The following SLC22A9 variants were observed in gnomAD, a reference collection of about 807,000 sequenced individuals.
The protein encoded by SLC22A9 is organic anion transporter 7.
SLC22A9 carries 64 observed loss-of-function variants against 50.1 expected under a neutral mutation model. The ratio of observed to expected loss-of-function variants is 1.28; its 90% CI spans 1.04 to 1.57. SLC22A9 has a LOEUF of 1.57. SLC22A9 is among the 40% of genes most tolerant of loss of function. The pLI is 0.00. For missense variants in SLC22A9, 757 were observed against 676.1 expected (o/e 1.12, Z -1.33); for synonymous variants, 261 against 242.5 (o/e 1.08, Z -0.71).
At chr11:63,371,345 C>T (rs1354123433) in intron 2 of SLC22A9, 107 bp downstream of exon 2, 10 of 876,204 alleles carry the variant, frequency 1.1e-5, no homozygotes, top group Middle Eastern at 4.8e-4. Context: ...CCTGAGGCTG[C>T]CCTGATCCCC....
At chr11:63,406,081 C>G (rs2015030757) in intron 6 of SLC22A9, among the ~76,000 whole-genome samples, 8 of 152,114 alleles carry the variant, frequency 5.3e-5, no homozygotes, top group Admixed American at 5.2e-4. Context: ...AGGAAGGTGG[C>G]AGCATTTTCA....
chr11:63,408,928 C>A, intron 9 of SLC22A9, 49 bp downstream of exon 9: 1 of 1,594,876 alleles, frequency 6.3e-7, no homozygotes, highest in South Asian at 1.1e-5. Context: ...TGCTATAGGT[C>A]TGTGCTGAGG....
chr11:63,394,003 T>C (rs607277), intron 6 of SLC22A9, among the ~76,000 whole-genome samples: 18,122 of 152,196 alleles, frequency 0.12, 2,734 homozygotes, highest in African/African-American at 0.36. Flanking sequence ...TTTCATTCTT[T>C]TTTCTCTAAT....
In SLC22A9 at chr11:63,406,506, C is replaced by T. The variant is rs748384540; in HGVS notation, c.1083C>T (p.Asn361=). Residue 361 remains asparagine (N), a synonymous_variant, in exon 7 of 10, where the codon AAC becomes AAT. Transcript: ENST00000279178. ...TTTTTAATCATCACAGATTTGCAAA[C>T]TTTATGGCCTATTTTGGCCTTAATC... The part of the protein sequence containing the change: ...ISLLSFTRFA[N]FMAYFGLNLH... 17 of 1,613,356 alleles carry T rather than the reference C, an allele frequency of 1.1e-5. No homozygotes were observed. The highest frequency in any genetic ancestry group is 1.4e-5 in the Non-Finnish European group (16 of 1,179,592).
At chr11:63,371,067 TAAG>T (rs1429268681) in intron 1 of SLC22A9, 65 bp from the exon 2 acceptor site, 2 of 1,174,700 alleles carry the variant, frequency 1.7e-6, no homozygotes, top group Non-Finnish European at 1.2e-6. Context: ...CAGATCATGC[TAAG>T]AAGTTTTGAT....
At chr11:63,385,440 C>A (rs1395993728) in intron 6 of SLC22A9, among the ~76,000 whole-genome samples, 3 of 152,036 alleles carry the variant, frequency 2.0e-5, no homozygotes, top group Non-Finnish European at 4.4e-5. Context: ...GAATGTTTTT[C>A]CATCTGCTTG....
intron 5 of SLC22A9, among the ~76,000 whole-genome samples, chr11:63,377,842 T>C (rs2014491295): frequency 6.6e-6 from 1 of 151,946 alleles, no homozygotes; most frequent in African/African-American, 2.4e-5. Flanking sequence ...TTCAAATAAA[T>C]GCAATTAGAA....
At chr11:63,397,641 G>A (rs536732846) in intron 6 of SLC22A9, among the ~76,000 whole-genome samples, 1 of 152,204 alleles carries the variant, frequency 6.6e-6, no homozygotes, top group South Asian at 2.1e-4. Context: ...AAGCAGAGGA[G>A]TCATCTCATG....
At chr11:63,380,624 T>G (rs2014543583) in intron 5 of SLC22A9, among the ~76,000 whole-genome samples, 1 of 152,126 alleles carries the variant, frequency 6.6e-6, no homozygotes, top group Admixed American at 6.6e-5. Flanking sequence ...ATATAGGAGC[T>G]AAACATTGGT....
chr11:63,385,854 G>A (rs546954068), intron 6 of SLC22A9, among the ~76,000 whole-genome samples: 2 of 152,254 alleles, frequency 1.3e-5, no homozygotes, highest in Non-Finnish European at 1.5e-5. Flanking sequence ...GTGAAAGAGG[G>A]CATCTTTGTC....
intron 6 of SLC22A9, among the ~76,000 whole-genome samples, chr11:63,384,309 C>A (rs1001145193): frequency 2.0e-5 from 3 of 152,144 alleles, no homozygotes; most frequent in Non-Finnish European, 4.4e-5. Context: ...CAACCCCCAA[C>A]AGGTCCCAGT....
At chr11:63,394,412 G>A (rs1442687734) in intron 6 of SLC22A9, among the ~76,000 whole-genome samples, 1 of 152,000 alleles carries the variant, frequency 6.6e-6, no homozygotes, top group Non-Finnish European at 1.5e-5. Flanking sequence ...TTCTTGTAGG[G>A]GTGGCTTAGT....
intron 7 of SLC22A9, among the ~76,000 whole-genome samples, chr11:63,407,570 T>C (rs2015061829): frequency 6.6e-6 from 1 of 152,192 alleles, no homozygotes; most frequent in Non-Finnish European, 1.5e-5. Context: ...TCTGACTTTT[T>C]TTCCTCTTTT....
chr11:63,379,714 C>T (rs967964437), intron 5 of SLC22A9, among the ~76,000 whole-genome samples: 3 of 152,006 alleles, frequency 2.0e-5, no homozygotes, highest in African/African-American at 7.2e-5. Context: ...AGCACATGAA[C>T]AAACAGTTGT....
At chr11:63,395,435 T>A (rs1033278611) in intron 6 of SLC22A9, among the ~76,000 whole-genome samples, 2 of 152,132 alleles carry the variant, frequency 1.3e-5, no homozygotes, top group Non-Finnish European at 2.9e-5. Flanking sequence ...GTACTCTCCC[T>A]TTTTCTAGGG....
chr11:63,397,521 G>A (rs996805650), intron 6 of SLC22A9, among the ~76,000 whole-genome samples: 1 of 152,120 alleles, frequency 6.6e-6, no homozygotes, highest in Non-Finnish European at 1.5e-5. Flanking sequence ...AGCAACCAGG[G>A]CTTAGAGTCA....
At chr11:63,389,587 G>A (rs1336439320) in intron 6 of SLC22A9, among the ~76,000 whole-genome samples, 1 of 152,144 alleles carries the variant, frequency 6.6e-6, no homozygotes, top group Admixed American at 6.6e-5. Context: ...ATCACTGATG[G>A]GCATTTGGGT....
chr11:63,372,526 C>T (rs966280260), intron 2 of SLC22A9, among the ~76,000 whole-genome samples: 3 of 152,042 alleles, frequency 2.0e-5, no homozygotes, highest in African/African-American at 4.8e-5. Flanking sequence ...AAACAAGGAA[C>T]TACATTATGA....
At chr11:63,393,083 G>A (rs2014792308) in intron 6 of SLC22A9, among the ~76,000 whole-genome samples, 1 of 152,050 alleles carries the variant, frequency 6.6e-6, no homozygotes, top group South Asian at 2.1e-4. Flanking sequence ...TTGGCAGTAT[G>A]GTCATTTTCA....
Sources: gnomAD v4.1 joint callset for allele counts (sites outside exome capture counted in the v4.1 genomes callset) on GRCh38, gnomAD v4.1.1 for gene constraint, MANE v1.5 for transcripts, NCBI Gene and HGNC (gene_info 2026-07-23, HGNC 2026-07-21) for gene names.